STK39: variants seen among roughly 807,000 people sequenced by gnomAD.
STK39 encodes the protein STE20/SPS1-related proline-alanine-rich protein kinase.
In STK39, 20 loss-of-function variants were observed where a neutral mutation model predicts 77.8. The observed-to-expected ratio is 0.26, with a 90% CI of 0.18 to 0.37. The LOEUF is 0.37. STK39 is among the 10% of genes least tolerant of loss of function. The pLI is 1.00. For missense variants in STK39, 479 were observed against 656.5 expected (o/e 0.73, Z 2.95); for synonymous variants, 246 against 234.1 (o/e 1.05, Z -0.47).
chr2:168,070,569 A>G (rs188220878), intron 12 of STK39, among the ~76,000 whole-genome samples: 1 of 148,744 alleles, frequency 6.7e-6, no homozygotes, highest in African/African-American at 2.5e-5. Flanking sequence ...TACATTAGGT[A>G]TATCTCCTAA....
intron 16 of STK39, among the ~76,000 whole-genome samples, chr2:167,997,753 A>C (rs1487926306): frequency 6.6e-6 from 1 of 152,250 alleles, no homozygotes; most frequent in Admixed American, 6.5e-5. Context: ...AGCTCCTCAA[A>C]AGAGACACAT....
intron 10 of STK39, among the ~76,000 whole-genome samples, chr2:168,128,519 C>G (rs113002618): frequency 6.6e-6 from 1 of 152,210 alleles, no homozygotes; most frequent in African/African-American, 2.4e-5. Context: ...CCAGCCACAG[C>G]GCAGAAACCA....
chr2:168,181,941 A>AAAGCAACCAGC, intron 2 of STK39, 37 bp downstream of exon 2: 1 of 1,581,538 alleles, frequency 6.3e-7, no homozygotes, highest in Non-Finnish European at 8.7e-7. Flanking sequence ...TAGATTAAGA[A>AAAGCAACCAGC]AAGCAACCAG....
intron 2 of STK39, 137 bp downstream of exon 2, chr2:168,181,841 A>C (rs564782194): frequency 9.2e-5 from 59 of 644,704 alleles, no homozygotes; most frequent in Non-Finnish European, 1.5e-4. Context: ...TCTGGGGAGC[A>C]GGAAGTGGTA....
chr2:168,112,867 C>G (rs1446884194), intron 10 of STK39: 1 of 152,210 alleles, frequency 6.6e-6, no homozygotes, highest in Non-Finnish European at 1.5e-5. Context: ...CCTCATCCAG[C>G]TGCCCTGAGG....
intron 1 of STK39, among the ~76,000 whole-genome samples, chr2:168,209,764 C>T (rs982705124): frequency 6.6e-6 from 1 of 151,912 alleles, no homozygotes; most frequent in African/African-American, 2.4e-5. Flanking sequence ...TTTGGGAGGC[C>T]GAGGCAGGCA....
At chr2:168,092,281 C>T (rs373498470) in intron 10 of STK39, among the ~76,000 whole-genome samples, 16 of 152,182 alleles carry the variant, frequency 1.1e-4, no homozygotes, top group African/African-American at 3.9e-4. Flanking sequence ...ATAATGGAAG[C>T]TCCACTGTAA....
chr2:167,956,690 ACACACACTCTCTCT>A (rs1691781655), intron 17 of STK39, among the ~76,000 whole-genome samples: 4 of 45,912 alleles, frequency 8.7e-5, no homozygotes, highest in Non-Finnish European at 1.4e-4. Flanking sequence ...ACACACACAC[ACACACACTCTCTCT>A]CTCTCTCTCT....
At chr2:168,224,225 C>A (rs1025972295) in intron 1 of STK39, among the ~76,000 whole-genome samples, 1 of 151,748 alleles carries the variant, frequency 6.6e-6, no homozygotes, top group African/African-American at 2.4e-5. Flanking sequence ...AAAAAAAAAT[C>A]GCTTTCTTAG....
chr2:167,959,882 C>T (rs1350033296), intron 17 of STK39, among the ~76,000 whole-genome samples: 2 of 152,152 alleles, frequency 1.3e-5, no homozygotes, highest in African/African-American at 4.8e-5. Context: ...ACACCAACGT[C>T]AACACAGTGG....
intron 1 of STK39, among the ~76,000 whole-genome samples, chr2:168,233,432 C>A (rs1393069182): frequency 6.6e-6 from 1 of 152,334 alleles, no homozygotes; most frequent in Admixed American, 6.5e-5. Context: ...AATCTCCCTA[C>A]ACAGATTTTT....
chr2:168,079,915 C>T (rs1356181536), intron 10 of STK39, among the ~76,000 whole-genome samples: 1 of 152,138 alleles, frequency 6.6e-6, no homozygotes, highest in East Asian at 1.9e-4. Flanking sequence ...AACTGTGACA[C>T]ATGTAACATG....
intron 15 of STK39, 131 bp from the exon 16 acceptor site, chr2:168,012,833 T>G (rs1015035362): frequency 8.4e-6 from 5 of 593,850 alleles, no homozygotes; most frequent in Non-Finnish European, 1.3e-5. Flanking sequence ...TCAGACTCTA[T>G]CAGGAGAAAA....
intron 14 of STK39, among the ~76,000 whole-genome samples, chr2:168,047,661 A>G (rs184069863): frequency 1.6e-4 from 24 of 152,350 alleles, no homozygotes; most frequent in Non-Finnish European, 3.2e-4. Flanking sequence ...CCACTGCAGC[A>G]TGCTCCAAGG....
intron 16 of STK39, among the ~76,000 whole-genome samples, chr2:167,991,942 C>T (rs1256339128): frequency 2.0e-5 from 3 of 152,194 alleles, no homozygotes; most frequent in Non-Finnish European, 2.9e-5. Flanking sequence ...GCTGTAGAGC[C>T]TTACATCTAC....
rs1400096600 is a variant in STK39, at chr2:168,162,301, A to T, written c.573-459T>A. Among the ~76,000 whole-genome samples the T allele has an allele frequency of 7.9e-5, 11 of 139,208 alleles. 2 individuals are homozygous for T. Among genetic ancestry groups the T allele is most frequent in the African/African-American group, 3.0e-4 (10 of 33,536 alleles). The allele number at this position is 139,208 out of a possible 152,430, so 91.3% of individuals were successfully genotyped here. Reference sequence around the variant, plus strand: ...AACTTGGTCTCAAAAAAAAAAAAAAAAAAAAAAAAAAGGTATAAGGATCCA... The same window carrying T: ...AACTTGGTCTCAAAAAAAAAAAAAATAAAAAAAAAAAGGTATAAGGATCCA... On this transcript the variant is annotated intron_variant, in intron 4 of 17. Coordinates refer to ENST00000355999, the MANE Select transcript of STK39 (RefSeq NM_013233.3).
chr2:168,006,087 C>T (rs1373020702), intron 16 of STK39, among the ~76,000 whole-genome samples: 1 of 152,164 alleles, frequency 6.6e-6, no homozygotes, highest in African/African-American at 2.4e-5. Context: ...TTAAAGGAAA[C>T]AGACATATGT....
chr2:168,074,911 A>C, intron 12 of STK39, 71 bp downstream of exon 12: 1 of 1,560,254 alleles, frequency 6.4e-7, no homozygotes, highest in Non-Finnish European at 8.7e-7. Flanking sequence ...ATCTCCCCTA[A>C]ATGGATCAGA....
At chr2:168,012,821 A>G (rs942235934) in intron 15 of STK39, 119 bp from the exon 16 acceptor site, 1 of 676,088 alleles carries the variant, frequency 1.5e-6, no homozygotes, top group East Asian at 3.4e-5. Context: ...TAATTCAACA[A>G]TTCAGACTCT....
Sources: allele counts gnomAD v4.1 joint callset (sites outside exome capture counted in the v4.1 genomes callset), GRCh38; gene constraint gnomAD v4.1.1; transcripts MANE v1.5; gene names NCBI Gene and HGNC (gene_info 2026-07-23, HGNC 2026-07-21).